The following FSTL5 variants were observed in gnomAD, a reference collection of about 807,000 sequenced individuals.
FSTL5 encodes the protein follistatin-related protein 5.
In FSTL5, 62 loss-of-function variants were observed where a neutral mutation model predicts 89.1. The observed-to-expected ratio is 0.70, with a 90% CI of 0.57 to 0.86. FSTL5 has a LOEUF of 0.86. FSTL5 is among the 40% of genes least tolerant of loss of function. The probability of loss-of-function intolerance (pLI) is 0.00; values close to 1 mark genes in which losing one functional copy is unlikely to be tolerated. For synonymous variants in FSTL5, 383 were observed against 346.2 expected (o/e 1.11, Z -1.18); for missense variants, 1,057 against 1,001.6 (o/e 1.06, Z -0.75).
intron 9 of FSTL5, among the ~76,000 whole-genome samples, chr4:161,539,433 G>A (rs72685737): frequency 0.074 from 11,326 of 152,132 alleles, 536 homozygotes; most frequent in Middle Eastern, 0.15. Flanking sequence ...ATGTTTGAGA[G>A]ACATAATCAT....
chr4:161,793,000 T>C (rs2097478933), intron 4 of FSTL5, among the ~76,000 whole-genome samples: 1 of 152,238 alleles, frequency 6.6e-6, no homozygotes, highest in Non-Finnish European at 1.5e-5. Context: ...TGTGACACTC[T>C]TTGGGTTTCT....
At position 161,896,928 on chromosome 4, in the gene FSTL5, T is replaced by TTTTG. The variant is rs565171272; in HGVS notation, c.409+23472_409+23475dup. On this transcript the variant is annotated intron_variant, in intron 4 of 15. Coordinates refer to ENST00000306100, the MANE Select transcript of FSTL5 (RefSeq NM_020116.5). ...CATTGGCATATATAATAAACAAATC[T>TTTTG]TTTGTTTGTTTGTTTGTTTTATGAG... Among the ~76,000 whole-genome samples, 384 of 152,132 alleles carry TTTTG rather than the reference T, an allele frequency of 2.5e-3. 2 individuals carry two copies. Among genetic ancestry groups the TTTTG allele is most frequent in the African/African-American group, 6.1e-3 (254 of 41,540 alleles).
intron 13 of FSTL5, among the ~76,000 whole-genome samples, chr4:161,460,287 G>A (rs1319339190): frequency 1.9e-4 from 29 of 149,984 alleles, no homozygotes; most frequent in African/African-American, 2.5e-5. Context: ...TACGCACAAC[G>A]TGCAGGTTTG....
At chr4:161,931,485 T>C (rs1028107675) in intron 3 of FSTL5, among the ~76,000 whole-genome samples, 1 of 151,910 alleles carries the variant, frequency 6.6e-6, no homozygotes, top group African/African-American at 2.4e-5. Flanking sequence ...GTAAGCAGCA[T>C]TATGAGAAGT....
rs1469315867 is a variant in FSTL5, at chr4:161,602,848, T to G, written c.895-15273A>C. ...TGTAGTATCAGAGAAAATCAAATTT[T>G]GTTCAGCCAAAAACTGAGAATTCAT... On this transcript the variant is annotated intron_variant, in intron 7 of 15. Coordinates refer to ENST00000306100, the MANE Select transcript of FSTL5 (RefSeq NM_020116.5). Among the ~76,000 whole-genome samples the G allele has an allele frequency of 2.6e-5, 4 of 152,164 alleles. No individual in the cohort carries two copies. The East Asian group carries it at 5.8e-4, about 22-fold the overall frequency.
intron 2 of FSTL5, among the ~76,000 whole-genome samples, chr4:162,039,668 G>C (rs1737873824): frequency 6.6e-6 from 1 of 151,946 alleles, no homozygotes; most frequent in Non-Finnish European, 1.5e-5. Flanking sequence ...TTGGCTAAAT[G>C]CTGAAAATAA....
intron 10 of FSTL5, among the ~76,000 whole-genome samples, chr4:161,526,200 G>A (rs1343274714): frequency 6.6e-6 from 1 of 151,950 alleles, no homozygotes; most frequent in Non-Finnish European, 1.5e-5. Flanking sequence ...TATGATAATG[G>A]TTGAACTATG....
At chr4:162,022,938 T>C (rs1737144165) in intron 3 of FSTL5, 1 of 152,088 alleles carries the variant, frequency 6.6e-6, no homozygotes, top group Non-Finnish European at 1.5e-5. Context: ...GGTTAGAAGA[T>C]GGGAGGAGGA....
intron 7 of FSTL5, among the ~76,000 whole-genome samples, chr4:161,627,996 C>T (rs1383988489): frequency 6.6e-6 from 1 of 152,140 alleles, no homozygotes; most frequent in Non-Finnish European, 1.5e-5. Context: ...AACATTCCCA[C>T]ACAGACAAAA....
chr4:161,705,297 T>G (rs1167096426), intron 6 of FSTL5, among the ~76,000 whole-genome samples: 1 of 152,100 alleles, frequency 6.6e-6, no homozygotes, highest in Non-Finnish European at 1.5e-5. Context: ...AAACCTGTTA[T>G]GACAACTGAT....
intron 4 of FSTL5, among the ~76,000 whole-genome samples, chr4:161,914,627 TC>T (rs1166603055): frequency 6.6e-6 from 1 of 152,200 alleles, no homozygotes; most frequent in Non-Finnish European, 1.5e-5. Context: ...AGTTATTTTT[TC>T]TTTAAATATA....
intron 2 of FSTL5, among the ~76,000 whole-genome samples, chr4:162,103,243 G>A (rs79373227): frequency 0.012 from 1,791 of 152,108 alleles, 20 homozygotes; most frequent in Non-Finnish European, 0.019. Context: ...TTTTTTTGAA[G>A]GAATAAACAC....
intron 2 of FSTL5, among the ~76,000 whole-genome samples, chr4:162,104,124 G>A (rs1057238098): frequency 3.9e-5 from 6 of 152,126 alleles, no homozygotes; most frequent in East Asian, 1.9e-4. Flanking sequence ...CCATCCCTCC[G>A]GATCCAGCAA....
At chr4:162,023,260 G>T (rs1309354399) in intron 3 of FSTL5, among the ~76,000 whole-genome samples, 1 of 152,096 alleles carries the variant, frequency 6.6e-6, no homozygotes, top group Non-Finnish European at 1.5e-5. Flanking sequence ...GTTCAGTAGT[G>T]TATCTCCAGT....
chr4:161,890,293 A>G, intron 4 of FSTL5, among the ~76,000 whole-genome samples: 1 of 152,208 alleles, frequency 6.6e-6, no homozygotes, highest in East Asian at 1.9e-4. Flanking sequence ...GGATGATGTC[A>G]AATTATCCAT....
At chr4:161,931,726 A>G (rs1319261906) in intron 3 of FSTL5, among the ~76,000 whole-genome samples, 1 of 151,964 alleles carries the variant, frequency 6.6e-6, no homozygotes, top group African/African-American at 2.4e-5. Context: ...AAAGTCAGAT[A>G]GGTCTGACTG....
intron 15 of FSTL5, among the ~76,000 whole-genome samples, chr4:161,415,752 C>CAT (rs201934926): frequency 0.15 from 21,404 of 144,072 alleles, 1,761 homozygotes; most frequent in Admixed American, 0.22. Context: ...TATATATACA[C>CAT]ATATATATCA....
At chr4:162,047,985 C>A (rs1578984872) in intron 2 of FSTL5, among the ~76,000 whole-genome samples, 2 of 152,004 alleles carry the variant, frequency 1.3e-5, no homozygotes, top group African/African-American at 4.8e-5. Context: ...TAATTTTAAC[C>A]AAAAGTTGAG....
chr4:161,479,453 TA>T (rs1376531192), intron 13 of FSTL5, among the ~76,000 whole-genome samples: 2 of 152,112 alleles, frequency 1.3e-5, no homozygotes, highest in East Asian at 3.9e-4. Flanking sequence ...AAACTCAATT[TA>T]AAAACCAGCC....
Sources: gnomAD v4.1 joint callset for allele counts (sites outside exome capture counted in the v4.1 genomes callset) on GRCh38, gnomAD v4.1.1 for gene constraint, MANE v1.5 for transcripts, NCBI Gene and HGNC (gene_info 2026-07-23, HGNC 2026-07-21) for gene names.